RAMP1: variants seen among roughly 807,000 people sequenced by gnomAD.
RAMP1 encodes receptor activity modifying protein 1.
RAMP1 carries 7 observed loss-of-function variants against 8.2 expected under a neutral mutation model. The ratio of observed to expected loss-of-function variants is 0.85; its 90% CI spans 0.49 to 1.60. The LOEUF is 1.60. Among genes scored for constraint, RAMP1 ranks in the 40% most tolerant of loss-of-function variants. The probability of loss-of-function intolerance (pLI) is 0.00; values close to 1 mark genes in which losing one functional copy is unlikely to be tolerated. For missense variants in RAMP1, 192 were observed against 202.4 expected, an observed-to-expected ratio of 0.95 and a Z score of 0.31; for synonymous variants, 92 against 84.7, an observed-to-expected ratio of 1.09 and a Z score of -0.47.
intron 2 of RAMP1, among the ~76,000 whole-genome samples, chr2:237,901,335 C>CA (rs1194284929): frequency 1.3e-5 from 2 of 152,244 alleles, no homozygotes; most frequent in Non-Finnish European, 2.9e-5. Flanking sequence ...TTGAGACCAA[C>CA]AGTGGGTGAA....
At chr2:237,885,963 C>G (rs1224458800) in intron 2 of RAMP1, among the ~76,000 whole-genome samples, 1 of 152,164 alleles carries the variant, frequency 6.6e-6, no homozygotes, top group Admixed American at 6.5e-5. Flanking sequence ...GCCGGGTCCT[C>G]GAAGACTCCA....
intron 1 of RAMP1, among the ~76,000 whole-genome samples, chr2:237,875,537 A>G (rs923517547): frequency 6.6e-6 from 1 of 152,100 alleles, no homozygotes; most frequent in African/African-American, 2.4e-5. Flanking sequence ...CTCGCTTGCT[A>G]GCAGGTCCTG....
At chr2:237,871,164 G>A (rs2062240581) in intron 1 of RAMP1, among the ~76,000 whole-genome samples, 1 of 152,216 alleles carries the variant, frequency 6.6e-6, no homozygotes, top group South Asian at 2.1e-4. Flanking sequence ...GATGGCGGGA[G>A]TTTCTCAGCC....
At chr2:237,906,557 G>A (rs1210745220) in intron 2 of RAMP1, among the ~76,000 whole-genome samples, 1 of 151,912 alleles carries the variant, frequency 6.6e-6, no homozygotes, top group Non-Finnish European at 1.5e-5. Flanking sequence ...CCCTTCTATT[G>A]TCTTCATTTT....
Position 237,912,040 on chromosome 2 carries a change from C to A in RAMP1, c.*257C>A. The stretch of plus-strand genomic sequence containing the variant: ...ACTTACCTCTGGAAAGGGTCCCAGC[C>A]TAGACTGCTTACCCCATAGCCACAT... On this transcript the variant is annotated 3_prime_UTR_variant, in exon 3 of 3. Coordinates refer to ENST00000254661, the MANE Select transcript of RAMP1 (RefSeq NM_005855.4). 1 of 571,446 alleles carries A rather than the reference C, an allele frequency of 1.7e-6. No homozygotes were observed. The allele number at this position is 571,446 out of a possible 1,614,324, so 35.4% of individuals were successfully genotyped here. A position where few individuals can be genotyped will look rare whatever the true frequency, so the allele number is the denominator to read the frequency against.
chr2:237,871,096 C>T (rs540949431), intron 1 of RAMP1, among the ~76,000 whole-genome samples: 10 of 152,296 alleles, frequency 6.6e-5, no homozygotes, highest in African/African-American at 1.4e-4. Context: ...CCCACGGCCC[C>T]GAGGACCTTT....
In RAMP1 at chr2:237,859,627, C is replaced by T. The variant is rs1456082756; in HGVS notation, c.-49C>T. On this transcript the variant is annotated 5_prime_UTR_variant, in exon 1 of 3. Coordinates refer to ENST00000254661, the MANE Select transcript of RAMP1 (RefSeq NM_005855.4). The stretch of plus-strand genomic sequence containing the variant: ...GGCCCGCGCCGCGGCGGGCTCAGTC[C>T]TCAGCGGGGCGCGTGGCGAGCGGAC... 4 of 1,387,380 alleles carry T rather than the reference C, an allele frequency of 2.9e-6. No homozygotes were observed. The highest frequency in any genetic ancestry group is 3.8e-6 in the Non-Finnish European group (4 of 1,065,010). The allele number at this position is 1,387,380 out of a possible 1,614,324, so 85.9% of individuals were successfully genotyped here. A position where few individuals can be genotyped will look rare whatever the true frequency, so the allele number is the denominator to read the frequency against.
intron 2 of RAMP1, among the ~76,000 whole-genome samples, chr2:237,882,294 G>A (rs1218322797): frequency 6.6e-6 from 1 of 152,120 alleles, no homozygotes; most frequent in Non-Finnish European, 1.5e-5. Context: ...ACTATCAATG[G>A]GTCCTCACCG....
intron 2 of RAMP1, among the ~76,000 whole-genome samples, chr2:237,903,394 C>T (rs4663804): frequency 0.4 from 60,076 of 151,928 alleles, 12,125 homozygotes; most frequent in East Asian, 0.59. Context: ...AAGAGGCATC[C>T]GTGAGTTTGA....
intron 2 of RAMP1, among the ~76,000 whole-genome samples, chr2:237,907,094 C>T (rs191191819): frequency 9.8e-5 from 15 of 152,290 alleles, no homozygotes; most frequent in Admixed American, 4.6e-4. Context: ...TTCCCCTCCC[C>T]GCAACCTCTA....
At position 237,886,816 on chromosome 2, in the gene RAMP1, G is replaced by A. The variant is rs893749138; in HGVS notation, c.191+9454G>A. On this transcript the variant is annotated intron_variant, in intron 2 of 2. Coordinates refer to ENST00000254661, the MANE Select transcript of RAMP1 (RefSeq NM_005855.4). The stretch of plus-strand genomic sequence containing the variant: ...TGAAATCAGGCCTGTGCGTCAACGC[G>A]AAAGGTCAGACATGCGGTGACGCTA... Among the ~76,000 whole-genome samples, 5 of 152,336 alleles carry A rather than the reference G, an allele frequency of 3.3e-5. No individual in the cohort carries two copies. The East Asian group carries it at 9.6e-4, about 29-fold the overall frequency.
chr2:237,906,717 CTT>C (rs71402734), intron 2 of RAMP1, among the ~76,000 whole-genome samples: 2 of 86,204 alleles, frequency 2.3e-5, no homozygotes, highest in Admixed American at 1.7e-4. Context: ...ATATCAACCT[CTT>C]TTTTTTTTTT....
intron 2 of RAMP1, among the ~76,000 whole-genome samples, chr2:237,890,717 G>A (rs2062479682): frequency 1.3e-5 from 2 of 152,174 alleles, no homozygotes; most frequent in Admixed American, 1.3e-4. Flanking sequence ...ACTGAAACAT[G>A]CTGCATAGTA....
rs372670775 is a variant in RAMP1 at position 237,902,164 on chromosome 2, G to T, written c.192-9364G>T. 1.1e-4 allele frequency among the ~76,000 whole-genome samples: 17 copies of T among 152,232 alleles called. No homozygotes were observed. In the East Asian group the frequency reaches 1.7e-3, roughly 16 times the overall value. ...CGCGGGGGATGCCTCTCCTCCGGGG[G>T]CTGGTAAGGGCCCGGGGTCTTCAGT... On this transcript the variant is annotated intron_variant, in intron 2 of 2. Coordinates refer to ENST00000254661, the MANE Select transcript of RAMP1 (RefSeq NM_005855.4).
At chr2:237,869,423 C>A (rs940862088) in intron 1 of RAMP1, among the ~76,000 whole-genome samples, 14 of 152,206 alleles carry the variant, frequency 9.2e-5, no homozygotes, top group African/African-American at 3.4e-4. Flanking sequence ...AAACTCTGTC[C>A]CAGTTAAACA....
chr2:237,910,250 A>G (rs2062696513), intron 2 of RAMP1, among the ~76,000 whole-genome samples: 1 of 152,026 alleles, frequency 6.6e-6, no homozygotes, highest in Non-Finnish European at 1.5e-5. Flanking sequence ...TTACACCCAC[A>G]CACAGGGACA....
chr2:237,903,460 T>A (rs1490892257), intron 2 of RAMP1, among the ~76,000 whole-genome samples: 2 of 152,246 alleles, frequency 1.3e-5, no homozygotes, highest in African/African-American at 4.8e-5. Context: ...CAGTTTATCT[T>A]CCCTGAGGAT....
At chr2:237,908,112 T>G (rs545520695) in intron 2 of RAMP1, among the ~76,000 whole-genome samples, 58 of 152,370 alleles carry the variant, frequency 3.8e-4, no homozygotes, top group African/African-American at 1.3e-3. Flanking sequence ...ACTAGGGCAC[T>G]GGAGGAGATT....
At chr2:237,898,832 A>T (rs2062569942) in intron 2 of RAMP1, among the ~76,000 whole-genome samples, 1 of 152,210 alleles carries the variant, frequency 6.6e-6, no homozygotes, top group African/African-American at 2.4e-5. Context: ...AGGCCAGGCC[A>T]CAGCGTGGCT....
Sources: gnomAD v4.1 joint callset for allele counts (sites outside exome capture counted in the v4.1 genomes callset) on GRCh38, gnomAD v4.1.1 for gene constraint, MANE v1.5 for transcripts, NCBI Gene and HGNC (gene_info 2026-07-23, HGNC 2026-07-21) for gene names.